Variants in ABCA13 observed in about 807,000 individuals in gnomAD.
The protein encoded by ABCA13 is ATP binding cassette subfamily A member 13.
Under a neutral mutation model 478.7 loss-of-function variants are expected in ABCA13, and 476 were observed. That is an observed-to-expected ratio of 0.99 (90% confidence interval 0.92 to 1.07). ABCA13 has a LOEUF of 1.07. ABCA13 is among the 50% of genes least tolerant of loss of function. The probability of loss-of-function intolerance (pLI) is 0.00; values close to 1 mark genes in which losing one functional copy is unlikely to be tolerated. For synonymous variants in ABCA13, 2,252 were observed against 2,158.9 expected (o/e 1.04, Z -1.20); for missense variants, 6,060 against 5,910.6 (o/e 1.03, Z -0.83).
In ABCA13 at chr7:48,517,854, G is replaced by A. The variant is rs376896962; in HGVS notation, c.13797+973G>A. ...AGGGGCTGAGAAATGACCTGGAAAA[G>A]GTACTGAGCTCCTAGTTTTGAAGCA... On this transcript the variant is annotated intron_variant, in intron 52 of 61. Coordinates refer to ENST00000435803, the MANE Select transcript of ABCA13 (RefSeq NM_152701.5). Among the ~76,000 whole-genome samples the A allele has an allele frequency of 9.2e-5, 14 of 152,294 alleles. No individual in the cohort carries two copies. In the South Asian group the frequency reaches 2.9e-3, roughly 32 times the overall value.
chr7:48,266,176 A>G (rs1056683102), intron 15 of ABCA13, among the ~76,000 whole-genome samples: 3 of 151,746 alleles, frequency 2.0e-5, no homozygotes, highest in African/African-American at 7.2e-5. Context: ...TTAATTTGTT[A>G]AAATTTTGTT....
At chr7:48,244,493 T>C in intron 10 of ABCA13, 83 bp from the exon 11 acceptor site, 1 of 1,483,434 alleles carries the variant, frequency 6.7e-7, no homozygotes. Context: ...TGGAATATTT[T>C]CCTTTGAACG....
At chr7:48,209,414 C>G (rs2128938752) in intron 3 of ABCA13, among the ~76,000 whole-genome samples, 1 of 152,072 alleles carries the variant, frequency 6.6e-6, no homozygotes, top group Non-Finnish European at 1.5e-5. Flanking sequence ...CCTCTTCAAC[C>G]TTTTGGATTA....
intron 3 of ABCA13, among the ~76,000 whole-genome samples, chr7:48,202,912 G>A (rs537481499): frequency 2.6e-5 from 4 of 151,976 alleles, no homozygotes; most frequent in South Asian, 2.1e-4. Context: ...CCGTGCGCCC[G>A]CGCTCCTCAG....
intron 26 of ABCA13, among the ~76,000 whole-genome samples, chr7:48,315,893 A>G (rs945827904): frequency 6.6e-6 from 1 of 152,198 alleles, no homozygotes; most frequent in Admixed American, 6.5e-5. Flanking sequence ...AACATTTAAA[A>G]CAACCACAAC....
chr7:48,186,015 A>G (rs982084066), intron 1 of ABCA13, among the ~76,000 whole-genome samples: 14 of 151,894 alleles, frequency 9.2e-5, no homozygotes, highest in African/African-American at 3.1e-4. Flanking sequence ...TCTTTGTTTG[A>G]TATTAACATA....
chr7:48,192,365 G>A (rs1037216554), intron 1 of ABCA13, among the ~76,000 whole-genome samples: 5 of 152,040 alleles, frequency 3.3e-5, no homozygotes, highest in African/African-American at 1.2e-4. Context: ...AGTTTTAGGA[G>A]TTTATTCTAA....
intron 39 of ABCA13, among the ~76,000 whole-genome samples, chr7:48,410,302 G>C (rs561998937): frequency 2.0e-5 from 3 of 152,122 alleles, no homozygotes; most frequent in Non-Finnish European, 4.4e-5. Flanking sequence ...TTTGTTCATG[G>C]GGGTGGGGAT....
chr7:48,265,759 C>A (rs746137373), intron 15 of ABCA13, among the ~76,000 whole-genome samples: 4 of 151,244 alleles, frequency 2.6e-5, no homozygotes, highest in African/African-American at 4.8e-5. Flanking sequence ...TTATTTTATT[C>A]ATTCTTATTA....
intron 23 of ABCA13, among the ~76,000 whole-genome samples, chr7:48,301,596 G>C (rs1370949377): frequency 6.6e-6 from 1 of 151,934 alleles, no homozygotes; most frequent in Non-Finnish European, 1.5e-5. Context: ...GGGATCATGA[G>C]AAGTTTGGCC....
intron 35 of ABCA13, 85 bp downstream of exon 35, chr7:48,376,657 T>A: frequency 7.1e-7 from 1 of 1,408,160 alleles, no homozygotes; most frequent in Non-Finnish European, 9.7e-7. Flanking sequence ...AATAATCACT[T>A]ATTCTTTAAG....
rs559638553 is a variant in ABCA13, at chr7:48,533,806, A to T, written c.14354+5461A>T. Among the ~76,000 whole-genome samples the T allele has an allele frequency of 1.5e-4, 23 of 152,170 alleles. No homozygotes were observed. The South Asian group carries it at 4.1e-3, about 27-fold the overall frequency. ...TAAAGTTTGTTTTGTCTGATATAAA[A>T]ATTGCTACTCCAGCTTGCTTTTGGT... On this transcript the variant is annotated intron_variant, in intron 55 of 61. Transcript: ENST00000435803.
intron 45 of ABCA13, among the ~76,000 whole-genome samples, chr7:48,478,293 T>TA (rs1554531472): frequency 1.0e-3 from 135 of 132,834 alleles, no homozygotes; most frequent in African/African-American, 3.6e-3. Flanking sequence ...ATATATCATT[T>TA]TATATATATA....
At chr7:48,483,850 A>G (rs550926346) in intron 47 of ABCA13, among the ~76,000 whole-genome samples, 1 of 152,348 alleles carries the variant, frequency 6.6e-6, no homozygotes, top group South Asian at 2.1e-4. Flanking sequence ...CTGGAGAAAT[A>G]GTATTGTGTT....
In ABCA13 at chr7:48,427,861, G is replaced by A; in HGVS notation, c.12555G>A (p.Leu4185=). 2 of 1,601,996 alleles carry A rather than the reference G, an allele frequency of 1.2e-6. No homozygotes were observed. The highest frequency in any genetic ancestry group is 1.7e-6 in the Non-Finnish European group (2 of 1,175,088). ...ELQNHRPTGH[L]SGYCGSLARP... is the part of the protein sequence containing the mutation. Reference sequence around the variant, plus strand: ...AGAACCACAGGCCTACAGGACATCTGTCTGGCTACTGTAAGTACAGAATGG... The same window carrying A: ...AGAACCACAGGCCTACAGGACATCTATCTGGCTACTGTAAGTACAGAATGG... Residue 4185 remains leucine, a synonymous_variant, in exon 42 of 62, where the codon CTG becomes CTA. Coordinates refer to ENST00000435803, the MANE Select transcript of ABCA13 (RefSeq NM_152701.5).
At chr7:48,235,379 C>G (rs1301700231) in intron 8 of ABCA13, among the ~76,000 whole-genome samples, 1 of 152,104 alleles carries the variant, frequency 6.6e-6, no homozygotes, top group Non-Finnish European at 1.5e-5. Flanking sequence ...TTTGAGTGAA[C>G]TATGTAAAAC....
At chr7:48,200,444 C>T (rs770852382) in intron 3 of ABCA13, among the ~76,000 whole-genome samples, 4 of 152,218 alleles carry the variant, frequency 2.6e-5, no homozygotes, top group Admixed American at 2.0e-4. Context: ...TCCACATCAA[C>T]ATCCTCACTT....
At chr7:48,589,433 A>G (rs1789512911) in intron 57 of ABCA13, among the ~76,000 whole-genome samples, 1 of 152,176 alleles carries the variant, frequency 6.6e-6, no homozygotes, top group African/African-American at 2.4e-5. Flanking sequence ...AGTATAATTA[A>G]CTGATAAAAA....
intron 41 of ABCA13, among the ~76,000 whole-genome samples, chr7:48,416,581 GA>G (rs1275889111): frequency 2.6e-5 from 4 of 152,150 alleles, no homozygotes; most frequent in Non-Finnish European, 4.4e-5. Flanking sequence ...GTGACACACA[GA>G]CAGACGACAT....
Sources: allele counts gnomAD v4.1 joint callset (sites outside exome capture counted in the v4.1 genomes callset), GRCh38; gene constraint gnomAD v4.1.1; transcripts MANE v1.5; gene names NCBI Gene and HGNC (gene_info 2026-07-23, HGNC 2026-07-21).